The following KDM4C variants were observed in gnomAD, a reference collection of about 807,000 sequenced individuals.
The protein encoded by KDM4C is lysine demethylase 4C, also known as lysine-specific demethylase 4C.
A neutral mutation model predicts 129.3 loss-of-function variants in KDM4C; 81 were observed. The observed-to-expected ratio is 0.63, with a 90% CI of 0.52 to 0.75. The LOEUF (loss-of-function observed/expected upper bound fraction) is 0.75. Ranked by LOEUF, KDM4C falls within the 30% of genes least tolerant of loss-of-function variation. KDM4C has a pLI of 0.00. For missense variants in KDM4C, 1,457 were observed against 1,304.0 expected (o/e 1.12, Z -1.81); for synonymous variants, 573 against 456.1 (o/e 1.26, Z -3.26).
intron 2 of KDM4C, among the ~76,000 whole-genome samples, chr9:6,801,371 C>T (rs933125861): frequency 6.8e-6 from 1 of 146,956 alleles, no homozygotes; most frequent in Admixed American, 7.1e-5. Flanking sequence ...GTAGCTGGGA[C>T]TACAGGTGCC....
intron 17 of KDM4C, among the ~76,000 whole-genome samples, chr9:7,065,977 T>C (rs973785014): frequency 1.4e-5 from 2 of 139,698 alleles, no homozygotes; most frequent in Non-Finnish European, 3.1e-5. Flanking sequence ...TTGCGGACAA[T>C]GGAGGGGTAA....
chr9:6,757,027 T>A (rs1818341577), upstream of KDM4C, among the ~76,000 whole-genome samples: 1 of 152,100 alleles, frequency 6.6e-6, no homozygotes, highest in Non-Finnish European at 1.5e-5. Context: ...AGCTGGGAGC[T>A]CTGTAGGAAG....
chr9:6,837,261 G>C (rs972228775), intron 4 of KDM4C, among the ~76,000 whole-genome samples: 1 of 151,998 alleles, frequency 6.6e-6, no homozygotes, highest in African/African-American at 2.4e-5. Flanking sequence ...TTTCGCCATG[G>C]TGCCCAGGCT....
At chr9:6,800,596 A>G (rs959459308) in intron 2 of KDM4C, among the ~76,000 whole-genome samples, 3 of 149,524 alleles carry the variant, frequency 2.0e-5, no homozygotes, top group Non-Finnish European at 3.0e-5. Flanking sequence ...ATGAATGTAT[A>G]TCTATCTATT....
At chr9:7,137,892 G>A (rs1481362261) in intron 19 of KDM4C, among the ~76,000 whole-genome samples, 1 of 152,176 alleles carries the variant, frequency 6.6e-6, no homozygotes, top group African/African-American at 2.4e-5. Context: ...AATTATTTTG[G>A]CAATAGAGTG....
intron 1 of KDM4C, among the ~76,000 whole-genome samples, chr9:6,791,613 T>A (rs1004357342): frequency 6.6e-6 from 1 of 152,262 alleles, no homozygotes; most frequent in African/African-American, 2.4e-5. Context: ...TAACGATTTT[T>A]AACATTCTCT....
At chr9:6,949,251 T>A (rs1827627915) in intron 8 of KDM4C, among the ~76,000 whole-genome samples, 3 of 145,878 alleles carry the variant, frequency 2.1e-5, no homozygotes, top group Admixed American at 2.0e-4. Context: ...CCAGACGGGG[T>A]TGCGGCCGGG....
intron 12 of KDM4C, among the ~76,000 whole-genome samples, chr9:6,992,721 A>G (rs1198067483): frequency 2.6e-5 from 4 of 152,228 alleles, no homozygotes; most frequent in Non-Finnish European, 5.9e-5. Flanking sequence ...GGGAGCATAC[A>G]ATTCCAAATC....
At chr9:7,074,403 A>G (rs1279546752) in intron 17 of KDM4C, among the ~76,000 whole-genome samples, 8 of 151,938 alleles carry the variant, frequency 5.3e-5, no homozygotes, top group African/African-American at 1.9e-4. Flanking sequence ...CTGACCTCAA[A>G]TGATCCACCC....
At chr9:6,918,579 C>T (rs1218276566) in intron 8 of KDM4C, among the ~76,000 whole-genome samples, 1 of 152,088 alleles carries the variant, frequency 6.6e-6, no homozygotes, top group South Asian at 2.1e-4. Context: ...GTTTTAAGTT[C>T]TTAGAGAAAT....
chr9:6,753,766 C>A (rs183313295), upstream of KDM4C, among the ~76,000 whole-genome samples: 368 of 152,162 alleles, frequency 2.4e-3, 2 homozygotes, highest in African/African-American at 8.6e-3. Flanking sequence ...AAGGGCAGAG[C>A]CCTCATGGAC....
chr9:6,728,760 C>T (rs558919638), intron 1 of KDM4C, among the ~76,000 whole-genome samples: 83 of 151,010 alleles, frequency 5.5e-4, no homozygotes, highest in African/African-American at 1.9e-3. Flanking sequence ...GCAGGAGAAT[C>T]GCCTGAACCC....
intron 8 of KDM4C, among the ~76,000 whole-genome samples, chr9:6,969,483 A>C (rs1471866318): frequency 6.6e-6 from 1 of 152,240 alleles, no homozygotes; most frequent in Non-Finnish European, 1.5e-5. Flanking sequence ...GAACACATGT[A>C]AAAATGGAAA....
intron 5 of KDM4C, among the ~76,000 whole-genome samples, chr9:6,873,941 C>CGAGAGAGAGA (rs61477112): frequency 8.3e-5 from 11 of 132,160 alleles, no homozygotes; most frequent in East Asian, 6.6e-4. Flanking sequence ...TGAGAGAGAG[C>CGAGAGAGAGA]GAGAGAGAGA....
rs201916629 is a variant in KDM4C, at chr9:7,103,825, T to C, written c.2565T>C (p.Tyr855=). The C allele has an allele frequency of 2.2e-5, 35 of 1,613,944 alleles. No individual in the cohort carries two copies. The highest frequency in any genetic ancestry group is 2.9e-5 in the Non-Finnish European group (34 of 1,179,962). Residue 855 remains tyrosine (Y), a synonymous_variant, in exon 18 of 22, where the codon TAT becomes TAC. Transcript: ENST00000381309. The stretch of plus-strand genomic sequence containing the variant: ...TGATGGAGCCTGATGACTGGCCTTA[T>C]GTGGTGAACATTACATGCTTTCGAC... ...GVLMEPDDWP[Y]VVNITCFRHK...
intron 4 of KDM4C, among the ~76,000 whole-genome samples, chr9:6,841,238 T>C: frequency 6.6e-6 from 1 of 151,940 alleles, no homozygotes; most frequent in Non-Finnish European, 1.5e-5. Context: ...CAGTTTGGAG[T>C]TGGCTCTGTG....
intron 5 of KDM4C, among the ~76,000 whole-genome samples, chr9:6,875,119 A>G (rs565133358): frequency 2.6e-5 from 4 of 152,174 alleles, no homozygotes; most frequent in South Asian, 4.1e-4. Context: ...TGATTTTTTC[A>G]TCTTCCCGTT....
At chr9:7,104,315 T>G (rs1004044949) in intron 18 of KDM4C, 2 of 155,690 alleles carry the variant, frequency 1.3e-5, no homozygotes, top group African/African-American at 4.8e-5. Flanking sequence ...TTTTATCTCC[T>G]TTAGAAGAAA....
At chr9:7,134,757 G>A (rs1841013999) in intron 19 of KDM4C, among the ~76,000 whole-genome samples, 1 of 152,176 alleles carries the variant, frequency 6.6e-6, no homozygotes, top group East Asian at 1.9e-4. Context: ...CTACTAAGAA[G>A]AAATAATCAT....
Sources: gnomAD v4.1 joint callset for allele counts (sites outside exome capture counted in the v4.1 genomes callset) on GRCh38, gnomAD v4.1.1 for gene constraint, MANE v1.5 for transcripts, NCBI Gene and HGNC (gene_info 2026-07-23, HGNC 2026-07-21) for gene names.